The following AQP4 variants were observed in gnomAD, a reference collection of about 807,000 sequenced individuals.
The protein encoded by AQP4 is aquaporin-4.
AQP4 carries 18 observed loss-of-function variants against 27.8 expected under a neutral mutation model. The observed-to-expected ratio is 0.65, with a 90% confidence interval of 0.45 to 0.96. The LOEUF (loss-of-function observed/expected upper bound fraction) is 0.96, where lower values mean the gene tolerates loss of function less well. Ranked by LOEUF, AQP4 falls within the 40% of genes least tolerant of loss-of-function variation. The probability of loss-of-function intolerance (pLI) is 0.00; values close to 1 mark genes in which losing one functional copy is unlikely to be tolerated. For synonymous variants in AQP4, 141 were observed against 142.9 expected, an observed-to-expected ratio of 0.99 and a Z score of 0.10; for missense variants, 412 against 408.2, an observed-to-expected ratio of 1.01 and a Z score of -0.08.
Position 26,856,507 on chromosome 18 carries a change from G to A in AQP4, c.694-18C>T. 3 of 1,613,488 alleles carry A rather than the reference G, an allele frequency of 1.9e-6. No homozygotes were observed. Among genetic ancestry groups the A allele is most frequent in the Non-Finnish European group, 2.5e-6 (3 of 1,179,402 alleles). ...CAATATATCTAAGGAAAAGATGGAA[G>A]AGGATAGAGTGTAAGTAGAGAAAAG... On this transcript the variant is annotated intron_variant, in intron 4 of 4. Transcript: ENST00000383168.
intron 1 of AQP4, among the ~76,000 whole-genome samples, chr18:26,864,538 G>A (rs1204028268): frequency 6.6e-6 from 1 of 152,136 alleles, no homozygotes; most frequent in East Asian, 1.9e-4. Context: ...AGACAAAAAC[G>A]ATGGTTGCAA....
At chr18:26,858,069 G>A (rs1007871078) in intron 4 of AQP4, among the ~76,000 whole-genome samples, 1 of 151,882 alleles carries the variant, frequency 6.6e-6, no homozygotes. Flanking sequence ...CCAGGAGTTC[G>A]ATTCAGCCTG....
Position 26,860,849 on chromosome 18 carries a change from T to C in AQP4, c.616A>G (p.Asn206Asp). 6.2e-7 allele frequency: 1 copy of C among 1,613,964 alleles called. No individual in the cohort carries two copies. Among genetic ancestry groups the C allele is most frequent in the South Asian group, 1.1e-5 (1 of 91,084 alleles). ...SVAIGHLFAI[N>D]YTGASMNPAR... Reference sequence around the variant, plus strand: ...GGATTCATGCTGGCACCAGTATAATTGATCTATAGGAAACAAGAAAACAAC... The same window carrying C: ...GGATTCATGCTGGCACCAGTATAATCGATCTATAGGAAACAAGAAAACAAC... The change falls in exon 4 of 5, where the codon AAT (asparagine) becomes GAT (aspartate). Residue 206 changes from asparagine (N) to aspartate (D), a missense_variant. By Grantham distance (23) the Asn-to-Asp change is conservative. Transcript: ENST00000383168.
rs563537597 is a variant in AQP4 at position 26,862,000 on chromosome 18, G to T, written c.447+182C>A. 9.6e-6 allele frequency: 7 copies of T among 725,406 alleles called. No individual in the cohort carries two copies. The East Asian group carries it at 1.9e-4, about 20-fold the overall frequency. 44.9% of individuals were successfully genotyped at this position (725,406 alleles called of 1,614,324 possible). Reference sequence around the variant, plus strand: ...TTTAAGGCACTCAAGAGCAAACAATGATTTCTTACAGATATACCTAAATAC... The same window carrying T: ...TTTAAGGCACTCAAGAGCAAACAATTATTTCTTACAGATATACCTAAATAC... On this transcript the variant is annotated intron_variant, in intron 2 of 4. Transcript: ENST00000383168.
chr18:26,857,110 A>G lies in AQP4; in HGVS notation c.694-621T>C, dbSNP rs137947592. Reference sequence around the variant, plus strand: ...AAGGATTAAATGCAACAATACTTGTAAAGTACTTGATAGTTTTTAGCTCGT... The same window carrying G: ...AAGGATTAAATGCAACAATACTTGTGAAGTACTTGATAGTTTTTAGCTCGT... On this transcript the variant is annotated intron_variant, in intron 4 of 4. Transcript: ENST00000383168. Among the ~76,000 whole-genome samples, 73 of 152,274 alleles carry G rather than the reference A, an allele frequency of 4.8e-4. 1 individual carries two copies. The highest frequency in any genetic ancestry group is 1.7e-3 in the African/African-American group (72 of 41,576).
rs2054833545 is a variant in AQP4, at chr18:26,855,982, T to C, written c.*229A>G. ...CTAGATAAAATAGGTATATATTTGC[T>C]TAAGAACATTTTAAAAATATTTCTT... On this transcript the variant is annotated 3_prime_UTR_variant, in exon 5 of 5. Transcript: ENST00000383168. 6 of 565,484 alleles carry C rather than the reference T, an allele frequency of 1.1e-5. No homozygotes were observed. The highest frequency in any genetic ancestry group is 3.1e-5 in the Admixed American group (1 of 31,918). The allele number at this position is 565,484 out of a possible 1,614,324, so 35.0% of individuals were successfully genotyped here. A position where few individuals can be genotyped will look rare whatever the true frequency, so the allele number is the denominator to read the frequency against.
chr18:26,858,411 C>T (rs1040705575), intron 4 of AQP4, among the ~76,000 whole-genome samples: 5 of 152,252 alleles, frequency 3.3e-5, no homozygotes, highest in Admixed American at 6.5e-5. Context: ...GTTTAAAACA[C>T]CCTCTGCAAA....
chr18:26,865,170 C>A, intron 1 of AQP4: 1 of 222,424 alleles, frequency 4.5e-6, no homozygotes, highest in Non-Finnish European at 9.1e-6. Context: ...CTCACCCTAG[C>A]GTCACCCATA....
Position 26,856,106 on chromosome 18 carries a change from A to G in AQP4, c.*105T>C, listed in dbSNP as rs1319582388. 2.8e-6 allele frequency: 4 copies of G among 1,420,112 alleles called. No homozygotes were observed. Among genetic ancestry groups the G allele is most frequent in the Non-Finnish European group, 3.0e-6 (3 of 1,009,142 alleles). 88.0% of individuals were successfully genotyped at this position (1,420,112 alleles called of 1,614,324 possible). ...CTGAGTAATATGACATGAAACAACAAACCTGCACATTTCTAATTTATAACA... is the reference window on the plus strand; with the variant it reads ...CTGAGTAATATGACATGAAACAACAGACCTGCACATTTCTAATTTATAACA... On this transcript the variant is annotated 3_prime_UTR_variant, in exon 5 of 5. Transcript: ENST00000383168.
At position 26,862,653 on chromosome 18, in the gene AQP4, G is replaced by A. The variant is rs549478115; in HGVS notation, c.33-57C>T. On this transcript the variant is annotated intron_variant, in intron 1 of 4. Coordinates refer to ENST00000383168, the MANE Select transcript of AQP4 (RefSeq NM_001650.7). Reference sequence around the variant, plus strand: ...CACTACACCCAGGTTTATGAATTTAGGTGAAGGGAACAAGGCCTGCCATCT... The same window carrying A: ...CACTACACCCAGGTTTATGAATTTAAGTGAAGGGAACAAGGCCTGCCATCT... 9.9e-6 allele frequency: 16 copies of A among 1,612,160 alleles called. No individual in the cohort carries two copies. In the South Asian group the frequency reaches 1.4e-4, roughly 14 times the overall value.
chr18:26,859,923 G>T (rs1182829415), intron 4 of AQP4, among the ~76,000 whole-genome samples: 1 of 152,160 alleles, frequency 6.6e-6, no homozygotes, highest in Non-Finnish European at 1.5e-5. Flanking sequence ...AGCGCTCTTT[G>T]AAGCTGGCTT....
At chr18:26,864,771 G>A (rs550750076) in intron 1 of AQP4, among the ~76,000 whole-genome samples, 15 of 152,224 alleles carry the variant, frequency 9.9e-5, no homozygotes, top group African/African-American at 3.6e-4. Flanking sequence ...GGCTAAGGAA[G>A]CTAGGTGGGC....
rs769262244 is a variant in AQP4 at position 26,862,194 on chromosome 18, C to A, written c.435G>T (p.Leu145=). 1.2e-6 allele frequency: 2 copies of A among 1,614,016 alleles called. No homozygotes were observed. The highest frequency in any genetic ancestry group is 1.7e-6 in the Non-Finnish European group (2 of 1,180,034). The change falls in exon 2 of 5, where the codon CTG becomes CTT. Residue 145 remains leucine (L), a synonymous_variant. Coordinates refer to ENST00000383168, the MANE Select transcript of AQP4 (RefSeq NM_001650.7). ...LVTPPSVVGG[L]GVTMVHGNLT... is the part of the protein sequence containing the mutation. ...CTAAAGATGCTACCATGGTGACTCC[C>A]AGGCCTCCCACCACACTGGGAGGTG... is the stretch of plus-strand genomic sequence containing the variant.
rs749268338 is a variant in AQP4 at position 26,860,805 on chromosome 18, A to G, written c.660T>C (p.Pro220=). Residue 220 remains proline (P), a synonymous_variant, in exon 4 of 5, where the codon CCT becomes CCC. Coordinates refer to ENST00000383168, the MANE Select transcript of AQP4 (RefSeq NM_001650.7). ...TTTCCCAATTTCCCATGATAACTGC[A>G]GGTCCAAAGGATCGGGCGGGATTCA... ...ASMNPARSFG[P]AVIMGNWENH... 2 of 1,614,124 alleles carry G rather than the reference A, an allele frequency of 1.2e-6. No homozygotes were observed. The highest frequency in any genetic ancestry group is 1.7e-6 in the Non-Finnish European group (2 of 1,179,952).
chr18:26,864,083 T>G (rs552817265), intron 1 of AQP4, among the ~76,000 whole-genome samples: 1 of 152,034 alleles, frequency 6.6e-6, no homozygotes, highest in East Asian at 1.9e-4. Flanking sequence ...AGCCAAGAAG[T>G]ATGGAGAGTA....
chr18:26,862,995 G>T lies in AQP4; in HGVS notation c.33-399C>A, dbSNP rs551012404. ...CATAAAGCATTAAAACAAGGTGTGC[G>T]TGGGGGGGGGGGGTCGTCTTTTCTA... is the stretch of plus-strand genomic sequence containing the variant. On this transcript the variant is annotated intron_variant, in intron 1 of 4. Transcript: ENST00000383168. The T allele has an allele frequency of 2.7e-3, 332 of 120,850 alleles. 7 individuals are homozygous for T. Among genetic ancestry groups the T allele is most frequent in the African/African-American group, 0.011 (308 of 28,060 alleles). 7.5% of individuals were successfully genotyped at this position (120,850 alleles called of 1,614,324 possible).
At position 26,856,415 on chromosome 18, in the gene AQP4, A is replaced by G; in HGVS notation, c.768T>C (p.Val256=). 1.2e-6 allele frequency: 2 copies of G among 1,614,242 alleles called. No individual in the cohort carries two copies. Residue 256 remains valine, a synonymous_variant, in exon 5 of 5, where the codon GTT becomes GTC. Coordinates refer to ENST00000383168, the MANE Select transcript of AQP4 (RefSeq NM_001650.7). ...CTTCTTTAAAACGACGTTTGAATTC[A>G]ACATCTGGACAGAAGACATACTCAT... The part of the protein sequence containing the change: ...GLYEYVFCPD[V]EFKRRFKEAF...
rs531826626 is a variant in AQP4, at chr18:26,852,059, T to C, written c.*4152A>G. Reference sequence around the variant, plus strand: ...AACATAATGTTTACCTTTTAAAACATCCAAATGTTTATTTTCACAAGCTTA... The same window carrying C: ...AACATAATGTTTACCTTTTAAAACACCCAAATGTTTATTTTCACAAGCTTA... On this transcript the variant is annotated 3_prime_UTR_variant, in exon 5 of 5. Transcript: ENST00000383168. 6.6e-6 allele frequency: 1 copy of C among 152,298 alleles called. No individual in the cohort carries two copies. Among genetic ancestry groups the C allele is most frequent in the East Asian group, 1.9e-4 (1 of 5,192 alleles). The allele number at this position is 152,298 out of a possible 1,614,324, so 9.4% of individuals were successfully genotyped here. A position where few individuals can be genotyped will look rare whatever the true frequency, so the allele number is the denominator to read the frequency against.
Position 26,861,271 on chromosome 18 carries a change from G to T in AQP4, c.472C>A (p.His158Asn), listed in dbSNP as rs1424794479. Residue 158 changes from histidine (H) to asparagine (N), a missense_variant, in exon 3 of 5, where the codon CAT (histidine) becomes AAT (asparagine). Transcript: ENST00000383168. ...TMVHGNLTAG[H>N]GLLVELIITF... is the part of the protein sequence containing the mutation. ...ATTATCAACTCAACCAGGAGACCAT[G>T]ACCAGCGGTAAGATTTCCATGAACC... 1 of 1,614,020 alleles carries T rather than the reference G, an allele frequency of 6.2e-7. No individual in the cohort carries two copies. Among genetic ancestry groups the T allele is most frequent in the Non-Finnish European group, 8.5e-7 (1 of 1,179,932 alleles).
Sources: allele counts gnomAD v4.1 joint callset (sites outside exome capture counted in the v4.1 genomes callset), GRCh38; gene constraint gnomAD v4.1.1; transcripts MANE v1.5; gene names NCBI Gene and HGNC (gene_info 2026-07-23, HGNC 2026-07-21).